The following NAALADL2 variants were observed in gnomAD, a reference collection of about 807,000 sequenced individuals.
The protein encoded by NAALADL2 is inactive N-acetylated-alpha-linked acidic dipeptidase-like protein 2.
A neutral mutation model predicts 87.2 loss-of-function variants in NAALADL2; 76 were observed. The observed-to-expected ratio is 0.87, with a 90% CI of 0.72 to 1.05. NAALADL2 has a LOEUF of 1.05. Among genes scored for constraint, NAALADL2 ranks in the 50% least tolerant of loss-of-function variants. The pLI is 0.00. For missense variants in NAALADL2, 1,089 were observed against 945.8 expected (o/e 1.15, Z -1.99); for synonymous variants, 354 against 331.0 (o/e 1.07, Z -0.75).
intron 1 of NAALADL2, among the ~76,000 whole-genome samples, chr3:174,993,690 A>T (rs912705882): frequency 2.5e-4 from 38 of 152,168 alleles, no homozygotes; most frequent in Admixed American, 2.5e-3. Context: ...AAAAATGAGG[A>T]GTTAAAAAAA....
At chr3:175,184,319 G>A (rs1469882431) in intron 2 of NAALADL2, among the ~76,000 whole-genome samples, 2 of 151,966 alleles carry the variant, frequency 1.3e-5, no homozygotes, top group African/African-American at 2.4e-5. Context: ...TGAGCATTGG[G>A]TTATCTAAGT....
intron 5 of NAALADL2, among the ~76,000 whole-genome samples, chr3:175,331,748 G>T (rs966295691): frequency 3.3e-5 from 5 of 152,168 alleles, no homozygotes; most frequent in Non-Finnish European, 7.4e-5. Flanking sequence ...GGAAGTCCTA[G>T]CCAGAGCAGT....
intron 2 of NAALADL2, among the ~76,000 whole-genome samples, chr3:175,160,012 T>TTTTTTTTTA (rs1732901512): frequency 6.8e-6 from 1 of 147,618 alleles, no homozygotes; most frequent in Admixed American, 6.7e-5. Context: ...TTTTTTTTTT[T>TTTTTTTTTA]ACTTTTAGTA....
chr3:174,485,148 G>A (rs1399874096), intron 1 of NAALADL2, among the ~76,000 whole-genome samples: 1 of 151,782 alleles, frequency 6.6e-6, no homozygotes, highest in Admixed American at 6.6e-5. Flanking sequence ...ATATTCAGAG[G>A]AAAAATAATA....
At chr3:174,785,495 CT>C (rs1486408454) in intron 3 of NAALADL2, among the ~76,000 whole-genome samples, 1 of 152,002 alleles carries the variant, frequency 6.6e-6, no homozygotes, top group African/African-American at 2.4e-5. Context: ...TATTCCATTG[CT>C]CTATGTGTCT....
At chr3:175,220,511 T>C (rs1256195891) in intron 2 of NAALADL2, among the ~76,000 whole-genome samples, 2 of 152,084 alleles carry the variant, frequency 1.3e-5, no homozygotes, top group African/African-American at 4.8e-5. Flanking sequence ...AATATATTCT[T>C]ATCTGTTTAA....
intron 2 of NAALADL2, among the ~76,000 whole-genome samples, chr3:175,126,845 G>A (rs1475829927): frequency 2.9e-5 from 4 of 138,378 alleles, no homozygotes; most frequent in Non-Finnish European, 4.6e-5. Context: ...CATTCAACTT[G>A]TTCAAGCTAC....
At chr3:174,501,951 TTTTCTC>T (rs1296507735) in intron 1 of NAALADL2, among the ~76,000 whole-genome samples, 1 of 152,132 alleles carries the variant, frequency 6.6e-6, no homozygotes, top group African/African-American at 2.4e-5. Context: ...TTTCTGTTCT[TTTTCTC>T]TTTTTTAACA....
At chr3:175,319,647 A>G (rs1473274418) in intron 4 of NAALADL2, among the ~76,000 whole-genome samples, 1 of 151,976 alleles carries the variant, frequency 6.6e-6, no homozygotes, top group Non-Finnish European at 1.5e-5. Flanking sequence ...AGGTGAAAGC[A>G]CGTATCTACT....
chr3:175,775,119 C>G (rs1750043922), intron 13 of NAALADL2: 1 of 143,010 alleles, frequency 7.0e-6, no homozygotes, highest in Admixed American at 7.0e-5. Flanking sequence ...TAGAAATTCT[C>G]CATTACCCCA....
chr3:174,856,968 T>TATATATA (rs1368965844), upstream of NAALADL2, among the ~76,000 whole-genome samples: 466 of 152,242 alleles, frequency 3.1e-3, 2 homozygotes, highest in African/African-American at 0.011. Context: ...TATATGTGGT[T>TATATATA]CAAGCATTCA....
chr3:175,105,564 A>G (rs909653120), intron 2 of NAALADL2, among the ~76,000 whole-genome samples: 2 of 95,790 alleles, frequency 2.1e-5, no homozygotes, highest in Non-Finnish European at 3.9e-5. Flanking sequence ...ATATATATTT[A>G]TATATTCATA....
At chr3:174,552,577 C>G (rs1190464914) in intron 2 of NAALADL2, among the ~76,000 whole-genome samples, 1 of 151,850 alleles carries the variant, frequency 6.6e-6, no homozygotes, top group African/African-American at 2.4e-5. Flanking sequence ...GGCCTATTGC[C>G]TGAGTGCAGG....
chr3:175,645,941 G>C (rs888536534), intron 11 of NAALADL2, among the ~76,000 whole-genome samples: 7 of 152,098 alleles, frequency 4.6e-5, no homozygotes, highest in African/African-American at 1.7e-4. Context: ...ACTCATCTAA[G>C]TAATAATTGG....
At chr3:175,232,714 A>T (rs1745166404) in intron 2 of NAALADL2, among the ~76,000 whole-genome samples, 2 of 152,194 alleles carry the variant, frequency 1.3e-5, no homozygotes, top group African/African-American at 4.8e-5. Context: ...GTTGTTGAAT[A>T]AACAGGGTCC....
At chr3:175,233,405 G>A (rs1216888831) in intron 2 of NAALADL2, among the ~76,000 whole-genome samples, 1 of 152,048 alleles carries the variant, frequency 6.6e-6, no homozygotes, top group African/African-American at 2.4e-5. Context: ...CAATGCCATA[G>A]TGCTGTATTA....
chr3:174,467,594 G>GT (rs1371275207), intron 1 of NAALADL2, among the ~76,000 whole-genome samples: 9 of 61,906 alleles, frequency 1.5e-4, no homozygotes, highest in Non-Finnish European at 2.1e-4. Flanking sequence ...CTCCATCTCA[G>GT]TTAAAAAAAA....
At chr3:175,301,566 A>G (rs778308934) in intron 4 of NAALADL2, among the ~76,000 whole-genome samples, 2 of 152,188 alleles carry the variant, frequency 1.3e-5, no homozygotes, top group African/African-American at 2.4e-5. Context: ...AGCATAGTCA[A>G]TTGGCTGTGA....
intron 11 of NAALADL2, among the ~76,000 whole-genome samples, chr3:175,639,318 C>T (rs7636394): frequency 5.6e-4 from 61 of 108,688 alleles, no homozygotes; most frequent in African/African-American, 8.7e-4. Context: ...AAGCGTTATT[C>T]TTTTTTTTTT....
Sources: gnomAD v4.1 joint callset for allele counts (sites outside exome capture counted in the v4.1 genomes callset) on GRCh38, gnomAD v4.1.1 for gene constraint, MANE v1.5 for transcripts, NCBI Gene and HGNC (gene_info 2026-07-23, HGNC 2026-07-21) for gene names.